NTNG1: variants seen among roughly 807,000 people sequenced by gnomAD.
NTNG1 encodes netrin-G1.
Under a neutral mutation model 54.0 loss-of-function variants are expected in NTNG1, and 16 were observed. That is an observed-to-expected ratio of 0.30 (90% CI 0.20 to 0.45). The LOEUF is 0.45. NTNG1 is among the 20% of genes least tolerant of loss of function. The pLI is 1.00. For missense variants in NTNG1, 530 were observed against 678.7 expected, an observed-to-expected ratio of 0.78 and a Z score of 2.43; for synonymous variants, 255 against 263.1, an observed-to-expected ratio of 0.97 and a Z score of 0.30.
intron 2 of NTNG1, among the ~76,000 whole-genome samples, chr1:107,209,018 T>C (rs1659418431): frequency 6.6e-6 from 1 of 152,092 alleles, no homozygotes; most frequent in Non-Finnish European, 1.5e-5. Context: ...GTTTTGTATT[T>C]TGTGTTCATG....
chr1:107,232,990 A>G (rs1165050133), intron 2 of NTNG1, among the ~76,000 whole-genome samples: 1 of 152,210 alleles, frequency 6.6e-6, no homozygotes, highest in Admixed American at 6.5e-5. Context: ...ATGGATAATA[A>G]TGTAATTTTT....
At chr1:107,290,794 A>G (rs1029262511) in intron 2 of NTNG1, among the ~76,000 whole-genome samples, 2 of 151,744 alleles carry the variant, frequency 1.3e-5, no homozygotes, top group Admixed American at 1.3e-4. Flanking sequence ...TTAATACAAT[A>G]ATAATAAGAT....
intron 2 of NTNG1, among the ~76,000 whole-genome samples, chr1:107,297,079 A>G (rs1196725589): frequency 7.3e-6 from 1 of 136,996 alleles, no homozygotes; most frequent in Non-Finnish European, 1.6e-5. Flanking sequence ...TTATCTTTAC[A>G]GATGAGGACA....
intron 3 of NTNG1, among the ~76,000 whole-genome samples, chr1:107,345,603 TC>T (rs1200953154): frequency 6.6e-6 from 1 of 152,112 alleles, no homozygotes; most frequent in Non-Finnish European, 1.5e-5. Flanking sequence ...GCACCATTGT[TC>T]TAAAAAACCC....
rs12077538 is a variant in NTNG1, at chr1:107,473,651, G to A, written c.1391-6960G>A. Among the ~76,000 whole-genome samples the A allele has an allele frequency of 4.2e-3, 639 of 152,348 alleles. 4 individuals carry two copies. The highest frequency in any genetic ancestry group is 0.014 in the African/African-American group (583 of 41,584). Reference sequence around the variant, plus strand: ...TGTGTCGCTCCTCATCCAAGATGGTGCAAGAAAAATAGATAGAAGTAAGAG... The same window carrying A: ...TGTGTCGCTCCTCATCCAAGATGGTACAAGAAAAATAGATAGAAGTAAGAG... On this transcript the variant is annotated intron_variant, in intron 7 of 7. Transcript: ENST00000370068.
chr1:107,298,325 G>A (rs1306923298), intron 2 of NTNG1, among the ~76,000 whole-genome samples: 5 of 152,082 alleles, frequency 3.3e-5, no homozygotes, highest in South Asian at 2.1e-4. Flanking sequence ...ACTTTACTTC[G>A]ACAGGAGTAA....
intron 2 of NTNG1, among the ~76,000 whole-genome samples, chr1:107,301,655 C>G (rs895029884): frequency 2.6e-5 from 4 of 152,104 alleles, no homozygotes; most frequent in Non-Finnish European, 5.9e-5. Flanking sequence ...GTTTTTTCCT[C>G]AACTCCCATA....
intron 7 of NTNG1, among the ~76,000 whole-genome samples, chr1:107,446,611 G>A (rs1358189202): frequency 6.6e-6 from 1 of 152,094 alleles, no homozygotes. Flanking sequence ...TGACAGTGCT[G>A]TGAATGTGAA....
At chr1:107,452,755 T>C (rs1676702762) in intron 7 of NTNG1, among the ~76,000 whole-genome samples, 2 of 152,156 alleles carry the variant, frequency 1.3e-5, no homozygotes, top group Non-Finnish European at 2.9e-5. Flanking sequence ...GAATACCTTT[T>C]CCAGAAACCA....
rs1442485003 is a variant in NTNG1 at position 107,297,234 on chromosome 1, TATATATATATATGC to T, written c.247-27047_247-27034del. Among the ~76,000 whole-genome samples the T allele has an allele frequency of 3.8e-3, 116 of 30,188 alleles. 1 individual carries two copies. Among genetic ancestry groups the T allele is most frequent in the East Asian group, 0.03 (25 of 830 alleles). 19.8% of individuals were successfully genotyped at this position (30,188 alleles called of 152,430 possible). A position where few individuals can be genotyped will look rare whatever the true frequency, so the allele number is the denominator to read the frequency against. On this transcript the variant is annotated intron_variant, in intron 2 of 7. Coordinates refer to ENST00000370068, the MANE Select transcript of NTNG1 (RefSeq NM_001113226.3). ...ATACCATCATATATATATATATATATATATATATATATGCGCACACACACACACACACAGCAGTT... is the reference window on the plus strand; with the variant it reads ...ATACCATCATATATATATATATATATGCACACACACACACACACAGCAGTT...
chr1:107,268,268 T>C (rs1368444775), intron 2 of NTNG1, among the ~76,000 whole-genome samples: 1 of 152,172 alleles, frequency 6.6e-6, no homozygotes, highest in African/African-American at 2.4e-5. Flanking sequence ...TCCATTCCTT[T>C]CCTAACCACT....
At chr1:107,480,573 C>CCG in intron 7 of NTNG1, 38 bp from the exon 8 acceptor site, 1 of 559,902 alleles carries the variant, frequency 1.8e-6, no homozygotes, top group East Asian at 3.1e-5. Flanking sequence ...TTCTCCTCCC[C>CCG]GCGCCCACCC....
rs1659821948 is a variant in NTNG1 at position 107,214,660 on chromosome 1, G to A, written c.246+65821G>A. ...CCAGGATATCTACCTTGATCCATTT[G>A]CTGGATGAAATGGTAGATCTGTTTT... On this transcript the variant is annotated intron_variant, in intron 2 of 7. Transcript: ENST00000370068. Among the ~76,000 whole-genome samples, 4 of 152,086 alleles carry A rather than the reference G, an allele frequency of 2.6e-5. No individual in the cohort carries two copies. In the South Asian group the frequency reaches 8.3e-4, roughly 32 times the overall value.
rs1436048224 is a variant in NTNG1 at position 107,481,163 on chromosome 1, A to G, written c.*323A>G. 1.1e-5 allele frequency: 4 copies of G among 358,576 alleles called. No individual in the cohort carries two copies. The Admixed American group carries it at 1.7e-4, about 15-fold the overall frequency. The allele number at this position is 358,576 out of a possible 1,614,324, so 22.2% of individuals were successfully genotyped here. A position where few individuals can be genotyped will look rare whatever the true frequency, so the allele number is the denominator to read the frequency against. On this transcript the variant is annotated 3_prime_UTR_variant, in exon 8 of 8. Coordinates refer to ENST00000370068, the MANE Select transcript of NTNG1 (RefSeq NM_001113226.3). ...GGAAAGACAAAAAACAAACAAATCAACCGACCTAAAAACATTGGCTACTCT... is the reference window on the plus strand; with the variant it reads ...GGAAAGACAAAAAACAAACAAATCAGCCGACCTAAAAACATTGGCTACTCT...
At chr1:107,396,323 G>A (rs970072418) in intron 4 of NTNG1, among the ~76,000 whole-genome samples, 3 of 152,066 alleles carry the variant, frequency 2.0e-5, no homozygotes, top group African/African-American at 7.2e-5. Context: ...AGTATCATAG[G>A]AACCAGGACT....
chr1:107,391,031 G>C (rs1382858892), intron 3 of NTNG1, among the ~76,000 whole-genome samples: 1 of 152,148 alleles, frequency 6.6e-6, no homozygotes, highest in Admixed American at 6.6e-5. Flanking sequence ...GCCAGCCACT[G>C]ACATATACAG....
At chr1:107,389,158 G>A (rs775982512) in intron 3 of NTNG1, among the ~76,000 whole-genome samples, 7 of 152,194 alleles carry the variant, frequency 4.6e-5, no homozygotes, top group African/African-American at 7.2e-5. Flanking sequence ...TGCTAGGGTC[G>A]TCCTCAGAGC....
At chr1:107,461,780 C>T (rs1002567147) in intron 7 of NTNG1, among the ~76,000 whole-genome samples, 2 of 152,118 alleles carry the variant, frequency 1.3e-5, no homozygotes, top group East Asian at 1.9e-4. Flanking sequence ...GAACTGCCCA[C>T]CTCAGCCTCC....
chr1:107,348,197 C>G (rs1451562517), intron 3 of NTNG1, among the ~76,000 whole-genome samples: 1 of 152,000 alleles, frequency 6.6e-6, no homozygotes, highest in African/African-American at 2.4e-5. Flanking sequence ...ATGGTCTTGG[C>G]TCACTGTGAA....
Sources: allele counts gnomAD v4.1 joint callset (sites outside exome capture counted in the v4.1 genomes callset), GRCh38; gene constraint gnomAD v4.1.1; transcripts MANE v1.5; gene names NCBI Gene and HGNC (gene_info 2026-07-23, HGNC 2026-07-21).